Variants in GUCY2F observed in about 807,000 individuals in gnomAD.
GUCY2F encodes retinal guanylyl cyclase 2.
Under a neutral mutation model 73.1 loss-of-function variants are expected in GUCY2F, and 61 were observed. The observed-to-expected ratio is 0.83, with a 90% CI of 0.68 to 1.03. The LOEUF is 1.03. Among genes scored for constraint, GUCY2F ranks in the 50% least tolerant of loss-of-function variants. The pLI, the probability that GUCY2F is intolerant of heterozygous loss-of-function variation, is 0.00. For synonymous variants in GUCY2F, 331 were observed against 307.8 expected (o/e 1.08, Z -0.79); for missense variants, 912 against 854.3 (o/e 1.07, Z -0.84).
At position 109,395,493 on chromosome X, in the gene GUCY2F, T is replaced by C; in HGVS notation, c.2276-4A>G. ...TTCTTAAGTCTGTTTATGATTTCTG[T>C]CCAGATGCGAGAAGAGAACCGTTTA... On this transcript the variant is annotated splice_region_variant and splice_polypyrimidine_tract_variant and intron_variant, in intron 11 of 19. Transcript: ENST00000218006. The C allele has an allele frequency of 8.4e-7, 1 of 1,191,624 alleles. No homozygotes were observed. Among genetic ancestry groups the C allele is most frequent in the Non-Finnish European group, 1.1e-6 (1 of 881,982 alleles).
chrX:109,390,679 T>A (rs909992571), intron 14 of GUCY2F, among the ~76,000 whole-genome samples: 4 of 112,656 alleles, frequency 3.6e-5, no homozygotes, highest in African/African-American at 1.3e-4. Context: ...CGCTGAATCA[T>A]CTTTGATTTT....
intron 12 of GUCY2F, among the ~76,000 whole-genome samples, chrX:109,393,358 G>A (rs1276691397): frequency 9.4e-6 from 1 of 106,495 alleles, no homozygotes; most frequent in Non-Finnish European, 1.9e-5. Context: ...ATGCTATCAC[G>A]TGAATAGTAG....
chrX:109,452,328 A>G (rs1283440187), intron 4 of GUCY2F, among the ~76,000 whole-genome samples: 1 of 111,658 alleles, frequency 9.0e-6, no homozygotes, highest in Non-Finnish European at 1.9e-5. Flanking sequence ...CACTCTGACA[A>G]TAACAAATCA....
chrX:109,417,970 TA>T (rs1931284217), intron 8 of GUCY2F, among the ~76,000 whole-genome samples: 1 of 99,353 alleles, frequency 1.0e-5, no homozygotes, highest in African/African-American at 5.0e-5. Context: ...ATAAGAAGAA[TA>T]TTTGATGTGC....
At position 109,398,543 on chromosome X, in the gene GUCY2F, G is replaced by A. The variant is rs1005613208; in HGVS notation, c.2275+6C>T. ...CCCTGGGGCCCTTTTCTCACCTCCCGCTTACCTTGAGCTGGCAGATCCATC... is the reference window on the plus strand; with the variant it reads ...CCCTGGGGCCCTTTTCTCACCTCCCACTTACCTTGAGCTGGCAGATCCATC... On this transcript the variant is annotated splice_donor_region_variant and intron_variant, in intron 11 of 19. Transcript: ENST00000218006. 7.5e-6 allele frequency: 9 copies of A among 1,204,916 alleles called. No individual in the cohort carries two copies. The highest frequency in any genetic ancestry group is 6.6e-5 in the Admixed American group (3 of 45,768).
At chrX:109,393,112 G>T in intron 12 of GUCY2F, 57 bp from the exon 13 acceptor site, 1 of 626,350 alleles carries the variant, frequency 1.6e-6, no homozygotes, top group Non-Finnish European at 2.6e-6. Flanking sequence ...ACTCAGAGAT[G>T]ATGGAGCAGG....
At chrX:109,469,137 AT>A (rs1403176174) in intron 2 of GUCY2F, among the ~76,000 whole-genome samples, 6 of 111,057 alleles carry the variant, frequency 5.4e-5, no homozygotes, top group East Asian at 5.7e-4. Flanking sequence ...TCTCACCAGG[AT>A]ATGACACCAG....
At chrX:109,422,135 C>CT (rs754445546) in intron 8 of GUCY2F, among the ~76,000 whole-genome samples, 36 of 111,794 alleles carry the variant, frequency 3.2e-4, no homozygotes, top group Non-Finnish European at 6.6e-4. Flanking sequence ...ATATTAGTAA[C>CT]TTTTTTGGAG....
At chrX:109,420,976 A>G (rs1238879664) in intron 8 of GUCY2F, among the ~76,000 whole-genome samples, 1 of 111,769 alleles carries the variant, frequency 8.9e-6, no homozygotes, top group Non-Finnish European at 1.9e-5. Flanking sequence ...TATGTTCACA[A>G]AAGACATATA....
chrX:109,395,400 T>C lies in GUCY2F; in HGVS notation c.2365A>G (p.Lys789Glu). The change falls in exon 12 of 20, where the codon AAG becomes GAG. Residue 789 changes from lysine to glutamate, a missense_variant. Coordinates refer to ENST00000218006, the MANE Select transcript of GUCY2F (RefSeq NM_001522.3). ...HAPPECLQLM[K>E]QCWAEAAEQR... ...TCTGCAGCCTCAGCCCAGCACTGCT[T>C]CATCAGCTGGAGACATTCTGGAGGG... is the stretch of plus-strand genomic sequence containing the variant. The C allele has an allele frequency of 8.3e-7, 1 of 1,203,747 alleles. No homozygotes were observed. Among genetic ancestry groups the C allele is most frequent in the Non-Finnish European group, 1.1e-6 (1 of 888,094 alleles).
chrX:109,412,914 C>T (rs1326263807), intron 8 of GUCY2F, among the ~76,000 whole-genome samples: 3 of 112,015 alleles, frequency 2.7e-5, no homozygotes, highest in African/African-American at 9.7e-5. Flanking sequence ...CATAGCAGAG[C>T]CATGAGATGG....
chrX:109,382,142 C>T lies in GUCY2F; in HGVS notation c.3126G>A (p.Glu1042=), dbSNP rs1192323613. Residue 1042 remains glutamate, a synonymous_variant, in exon 17 of 20, where the codon GAG becomes GAA. Transcript: ENST00000218006. ...LQNLSEGYEV[E]LRGRTELKGK... Reference sequence around the variant, plus strand: ...CCTTGAGCTCTGTTCTTCCTCGAAGCTCCACTTCATAGCCCTCACTCAGAT... The same window carrying T: ...CCTTGAGCTCTGTTCTTCCTCGAAGTTCCACTTCATAGCCCTCACTCAGAT... 8.5e-7 allele frequency: 1 copy of T among 1,179,057 alleles called. No individual in the cohort carries two copies. Among genetic ancestry groups the T allele is most frequent in the Non-Finnish European group, 1.2e-6 (1 of 865,808 alleles).
In GUCY2F at chrX:109,475,910, A is replaced by G. The variant is rs780106320; in HGVS notation, c.27T>C (p.Ser9=). 1 of 1,207,391 alleles carries G rather than the reference A, an allele frequency of 8.3e-7. No homozygotes were observed. Among genetic ancestry groups the G allele is most frequent in the Non-Finnish European group, 1.1e-6 (1 of 893,611 alleles). MFLGLGRF[S]RLVLWFAAFR... is the part of the protein sequence containing the mutation. ...AAGCCGCAAACCAGAGAACAAGGCG[A>G]GAAAAGCGCCCGAGTCCCAGGAACA... Residue 9 remains serine, a synonymous_variant, in exon 2 of 20, where the codon TCT becomes TCC. Transcript: ENST00000218006.
At chrX:109,431,800 C>CTGCAGGCTT (rs1293515113) in intron 7 of GUCY2F, among the ~76,000 whole-genome samples, 3 of 109,588 alleles carry the variant, frequency 2.7e-5, no homozygotes, top group African/African-American at 1.0e-4. Context: ...CTAATGGAAG[C>CTGCAGGCTT]TGCAGGCTTC....
chrX:109,445,873 C>A (rs1262499368), intron 6 of GUCY2F, among the ~76,000 whole-genome samples: 1 of 111,635 alleles, frequency 9.0e-6, no homozygotes, highest in Non-Finnish European at 1.9e-5. Flanking sequence ...ATTTAGAAAA[C>A]CCCATCATCT....
chrX:109,378,760 A>G, intron 17 of GUCY2F, among the ~76,000 whole-genome samples: 1 of 111,941 alleles, frequency 8.9e-6, no homozygotes, highest in East Asian at 2.8e-4. Context: ...TTCAAAGACA[A>G]GTTCAGAAAG....
chrX:109,392,172 A>G lies in GUCY2F; in HGVS notation c.2589-69T>C, dbSNP rs1051043957. The G allele has an allele frequency of 3.6e-5, 26 of 729,758 alleles. No homozygotes were observed. In the African/African-American group the frequency reaches 5.3e-4, roughly 15 times the overall value. The allele number at this position is 729,758 out of a possible 1,213,427, so 60.1% of individuals were successfully genotyped here. A position where few individuals can be genotyped will look rare whatever the true frequency, so the allele number is the denominator to read the frequency against. ...CTTCATGCCACATACACCTGCTAAA[A>G]ATACACCAAATAAACCTCTAAAAAT... On this transcript the variant is annotated intron_variant, in intron 13 of 19. Coordinates refer to ENST00000218006, the MANE Select transcript of GUCY2F (RefSeq NM_001522.3).
At chrX:109,432,584 T>C (rs954164510) in intron 7 of GUCY2F, among the ~76,000 whole-genome samples, 2 of 112,177 alleles carry the variant, frequency 1.8e-5, no homozygotes, top group Non-Finnish European at 3.8e-5. Context: ...AAGGGTATTT[T>C]CTCTCAAATT....
intron 15 of GUCY2F, among the ~76,000 whole-genome samples, chrX:109,388,148 G>A (rs1303581749): frequency 9.0e-6 from 1 of 111,242 alleles, no homozygotes; most frequent in Non-Finnish European, 1.9e-5. Flanking sequence ...AATGTGGGAG[G>A]AAAATAATTC....
Sources: gnomAD v4.1 joint callset for allele counts (sites outside exome capture counted in the v4.1 genomes callset) on GRCh38, gnomAD v4.1.1 for gene constraint, MANE v1.5 for transcripts, NCBI Gene and HGNC (gene_info 2026-07-23, HGNC 2026-07-21) for gene names.